The following LCORL variants were observed in gnomAD, a reference collection of about 807,000 sequenced individuals.
LCORL encodes ligand dependent nuclear receptor corepressor like, also known as ligand-dependent nuclear receptor corepressor-like protein.
In LCORL, 41 loss-of-function variants were observed where a neutral mutation model predicts 141.8. The observed-to-expected ratio is 0.29, with a 90% CI of 0.23 to 0.38. The LOEUF is 0.38. Among genes scored for constraint, LCORL ranks in the 10% least tolerant of loss-of-function variants. The probability of loss-of-function intolerance (pLI) is 1.00; values close to 1 mark genes in which losing one functional copy is unlikely to be tolerated. For synonymous variants in LCORL, 618 were observed against 694.1 expected, an observed-to-expected ratio of 0.89 and a Z score of 1.72; for missense variants, 1,759 against 2,035.0, an observed-to-expected ratio of 0.86 and a Z score of 2.61.
intron 1 of LCORL, among the ~76,000 whole-genome samples, chr4:18,006,176 T>C (rs1345217986): frequency 6.6e-6 from 1 of 152,198 alleles, no homozygotes; most frequent in Non-Finnish European, 1.5e-5. Flanking sequence ...CACATCTGTA[T>C]AGCAGGGGCA....
intron 7 of LCORL, among the ~76,000 whole-genome samples, chr4:17,865,861 G>T (rs1432742286): frequency 6.6e-6 from 1 of 152,184 alleles, no homozygotes; most frequent in Non-Finnish European, 1.5e-5. Context: ...AATGGTCTAA[G>T]TGTGGTTAGG....
At chr4:17,960,247 A>G (rs748324582) in intron 4 of LCORL, 6 of 154,352 alleles carry the variant, frequency 3.9e-5, no homozygotes, top group Non-Finnish European at 8.8e-5. Flanking sequence ...AGGTCACTAA[A>G]TATCCAAGAA....
At chr4:17,993,208 T>A (rs1720339497) in intron 1 of LCORL, among the ~76,000 whole-genome samples, 1 of 152,188 alleles carries the variant, frequency 6.6e-6, no homozygotes, top group African/African-American at 2.4e-5. Flanking sequence ...TTAGTTTTAT[T>A]AAATTTATTT....
At chr4:17,947,692 A>G (rs1279976056) in intron 4 of LCORL, among the ~76,000 whole-genome samples, 3 of 151,994 alleles carry the variant, frequency 2.0e-5, no homozygotes, top group Non-Finnish European at 4.4e-5. Context: ...TCAATTTACA[A>G]TAAGAACATT....
intron 5 of LCORL, among the ~76,000 whole-genome samples, chr4:17,906,271 A>G (rs931646119): frequency 6.6e-6 from 1 of 152,206 alleles, no homozygotes; most frequent in Non-Finnish European, 1.5e-5. Flanking sequence ...GAATGCTTTC[A>G]TAAAAGAAAA....
At chr4:17,926,502 G>A (rs934428985) in intron 4 of LCORL, among the ~76,000 whole-genome samples, 7 of 152,184 alleles carry the variant, frequency 4.6e-5, no homozygotes, top group African/African-American at 1.7e-4. Context: ...TTTGACAGGG[G>A]CTCTCAGGCC....
At position 18,011,668 on chromosome 4, in the gene LCORL, T is replaced by G. The variant is rs574441590; in HGVS notation, c.154+9930A>C. On this transcript the variant is annotated intron_variant, in intron 1 of 7. Coordinates refer to ENST00000635767, the Ensembl canonical transcript of LCORL. ...ATCCCAGAGATCAGCAAACTATGGT[T>G]TATAGGCCAAATCCACCTATTTTTA... is the stretch of plus-strand genomic sequence containing the variant. Among the ~76,000 whole-genome samples, 4 of 152,346 alleles carry G rather than the reference T, an allele frequency of 2.6e-5. No individual in the cohort carries two copies. The East Asian group carries it at 7.7e-4, about 29-fold the overall frequency.
intron 5 of LCORL, among the ~76,000 whole-genome samples, chr4:17,887,657 G>A (rs1161975975): frequency 1.3e-5 from 2 of 152,172 alleles, no homozygotes; most frequent in Non-Finnish European, 2.9e-5. Flanking sequence ...GGGCCATTGG[G>A]CCATGGCAAG....
rs1725634246 is a variant in LCORL at position 18,021,707 on chromosome 4, AGCAGCG to A, written c.39_44del (p.Ala21_Ala22del). Reference sequence around the variant, plus strand: ...ACTGAGCGGCGGCGGCGGCGGCGGCAGCAGCGGCGGCGGCAGCGGCCATTCTCTCTC... The same window carrying A: ...ACTGAGCGGCGGCGGCGGCGGCGGCAGCGGCGGCAGCGGCCATTCTCTCTC... On this transcript the variant is annotated inframe_deletion, in exon 1 of 8. Coordinates refer to ENST00000635767, the Ensembl canonical transcript of LCORL. The surrounding 1 kb of genome is among the most constrained non-coding windows in gnomAD (Gnocchi z 5.5). The A allele has an allele frequency of 6.6e-7, 1 of 1,521,468 alleles. No homozygotes were observed. The highest frequency in any genetic ancestry group is 8.8e-7 in the Non-Finnish European group (1 of 1,132,834). 94.2% of individuals were successfully genotyped at this position (1,521,468 alleles called of 1,614,324 possible).
In LCORL at chr4:17,897,213, CTTTTTTTTTTTTTTTTTT is replaced by C. The variant is rs761784734; in HGVS notation, c.683-11070_683-11053del. On this transcript the variant is annotated intron_variant, in intron 5 of 7. Transcript: ENST00000635767. Reference sequence around the variant, plus strand: ...AGACTTCTCTTTGATATACTGATTTCTTTTTTTTTTTTTTTTTTTTTTTTTTTTTTTTTTTTTTAGGGT... The same window carrying C: ...AGACTTCTCTTTGATATACTGATTTCTTTTTTTTTTTTTTTTTTTTAGGGT... Among the ~76,000 whole-genome samples the C allele has an allele frequency of 2.1e-3, 136 of 63,984 alleles. 3 individuals are homozygous for C. Among genetic ancestry groups the C allele is most frequent in the African/African-American group, 6.1e-3 (105 of 17,322 alleles). The allele number at this position is 63,984 out of a possible 152,430, so 42.0% of individuals were successfully genotyped here.
chr4:17,860,702 C>G (rs545558195), intron 7 of LCORL, among the ~76,000 whole-genome samples: 1 of 152,306 alleles, frequency 6.6e-6, no homozygotes, highest in South Asian at 2.1e-4. Flanking sequence ...AGGCAAGTCA[C>G]TTCTGCCTAT....
intron 5 of LCORL, among the ~76,000 whole-genome samples, chr4:17,905,182 T>C (rs2109311303): frequency 6.6e-6 from 1 of 152,246 alleles, no homozygotes; most frequent in East Asian, 1.9e-4. Context: ...CTGATGATAG[T>C]GTGCATTTTT....
At chr4:17,996,803 C>A (rs2061456) in intron 1 of LCORL, among the ~76,000 whole-genome samples, 32,395 of 151,970 alleles carry the variant, frequency 0.21, 4,385 homozygotes, top group East Asian at 0.46. Flanking sequence ...ACCTCTCTCT[C>A]AAGGCTTTTA....
intron 1 of LCORL, among the ~76,000 whole-genome samples, chr4:17,995,643 T>C (rs920796616): frequency 2.0e-5 from 3 of 152,172 alleles, no homozygotes; most frequent in Non-Finnish European, 2.9e-5. Flanking sequence ...GTACAAGATA[T>C]ATGGTTCCCC....
At chr4:17,873,653 C>T (rs926759457) in exon 7 of LCORL, 16 of 1,233,804 alleles carry the variant, frequency 1.3e-5, no homozygotes, top group African/African-American at 9.3e-5. Flanking sequence ...AAGAATTTTG[C>T]CTAGCAGAAT....
At chr4:17,913,750 C>A (rs1018811902) in intron 4 of LCORL, among the ~76,000 whole-genome samples, 8 of 152,080 alleles carry the variant, frequency 5.3e-5, no homozygotes, top group Non-Finnish European at 1.0e-4. Context: ...TCATTTGATG[C>A]CTTCTAATTT....
intron 1 of LCORL, among the ~76,000 whole-genome samples, chr4:18,013,679 TA>T (rs1243250484): frequency 6.6e-6 from 1 of 152,240 alleles, no homozygotes; most frequent in Non-Finnish European, 1.5e-5. Flanking sequence ...ACATGAAGAC[TA>T]CTGGACAAAA....
intron 7 of LCORL, among the ~76,000 whole-genome samples, chr4:17,852,431 ATTT>A (rs1307506954): frequency 6.6e-6 from 1 of 152,070 alleles, no homozygotes; most frequent in East Asian, 1.9e-4. Context: ...TATCTTACAG[ATTT>A]GTTGTGACAA....
chr4:17,911,626 C>A, intron 4 of LCORL: 1 of 414,884 alleles, frequency 2.4e-6, no homozygotes, highest in Admixed American at 3.0e-5. Context: ...ATAACTTGGT[C>A]GTTGGCAAAG....
Sources: allele counts gnomAD v4.1 joint callset (sites outside exome capture counted in the v4.1 genomes callset), GRCh38; gene constraint gnomAD v4.1.1; non-coding constraint Gnocchi (gnomAD v3.1); transcripts MANE v1.5; gene names NCBI Gene and HGNC (gene_info 2026-07-23, HGNC 2026-07-21).